CATSPERB: variants seen among roughly 807,000 people sequenced by gnomAD.
The protein encoded by CATSPERB is catsper channel auxiliary subunit beta.
In CATSPERB, 93 loss-of-function variants were observed where a neutral mutation model predicts 128.3. The ratio of observed to expected loss-of-function variants is 0.72; its 90% CI spans 0.61 to 0.86. CATSPERB has a LOEUF of 0.86. Ranked by LOEUF, CATSPERB falls within the 40% of genes least tolerant of loss-of-function variation. The pLI is 0.00. For synonymous variants in CATSPERB, 381 were observed against 448.8 expected (o/e 0.85, Z 1.91); for missense variants, 1,153 against 1,329.5 (o/e 0.87, Z 2.06).
At chr14:91,677,235 A>G (rs1203078997) in intron 11 of CATSPERB, among the ~76,000 whole-genome samples, 1 of 152,222 alleles carries the variant, frequency 6.6e-6, no homozygotes, top group African/African-American at 2.4e-5. Flanking sequence ...GATCTAATTA[A>G]ACTAAAGAGC....
intron 11 of CATSPERB, among the ~76,000 whole-genome samples, chr14:91,680,028 ACAAT>A (rs1895253331): frequency 6.6e-6 from 1 of 152,232 alleles, no homozygotes; most frequent in African/African-American, 2.4e-5. Context: ...GACAAAGGCA[ACAAT>A]CAAAGTATAC....
At chr14:91,704,483 G>T in intron 7 of CATSPERB, 69 bp downstream of exon 7, 2 of 1,469,618 alleles carry the variant, frequency 1.4e-6, no homozygotes, top group Non-Finnish European at 9.1e-7. Flanking sequence ...TATTTCTGCT[G>T]CCAGTTAAAC....
chr14:91,586,695 T>C (rs775963270), intron 26 of CATSPERB, among the ~76,000 whole-genome samples: 2 of 152,254 alleles, frequency 1.3e-5, no homozygotes, highest in Non-Finnish European at 2.9e-5. Flanking sequence ...CATGTCATTA[T>C]ATGAATAAGC....
intron 26 of CATSPERB, 103 bp downstream of exon 26, chr14:91,587,099 A>T: frequency 1.2e-6 from 1 of 841,262 alleles, no homozygotes; most frequent in Middle Eastern, 2.3e-4. Flanking sequence ...CTTGTCCATC[A>T]CACAAATTCT....
intron 21 of CATSPERB, among the ~76,000 whole-genome samples, chr14:91,608,939 A>ATTG (rs1893767879): frequency 6.6e-6 from 1 of 152,354 alleles, no homozygotes; most frequent in East Asian, 1.9e-4. Flanking sequence ...AAACTTAACC[A>ATTG]TTAATAGCCT....
chr14:91,583,150 G>T (rs1468577048), intron 26 of CATSPERB, among the ~76,000 whole-genome samples: 7 of 152,236 alleles, frequency 4.6e-5, no homozygotes, highest in African/African-American at 7.2e-5. Flanking sequence ...TGGGCACGGT[G>T]GCTCATGCCT....
intron 11 of CATSPERB, among the ~76,000 whole-genome samples, chr14:91,677,753 C>T (rs765644048): frequency 1.8e-4 from 27 of 152,122 alleles, no homozygotes; most frequent in African/African-American, 5.8e-4. Context: ...AAGGCACATG[C>T]GCATTTGGGC....
chr14:91,633,250 C>T (rs1005185287), intron 17 of CATSPERB, among the ~76,000 whole-genome samples: 4 of 152,018 alleles, frequency 2.6e-5, no homozygotes, highest in African/African-American at 9.7e-5. Flanking sequence ...CAGGCCCAGC[C>T]AAAACACCCT....
chr14:91,591,725 A>G (rs533776464), intron 23 of CATSPERB, among the ~76,000 whole-genome samples, 167 bp downstream of exon 23: 2 of 152,216 alleles, frequency 1.3e-5, no homozygotes, highest in South Asian at 4.1e-4. Flanking sequence ...ATTAACTTGC[A>G]AGGTACATTT....
intron 18 of CATSPERB, among the ~76,000 whole-genome samples, chr14:91,622,285 T>C (rs1200743393): frequency 6.6e-6 from 1 of 152,064 alleles, no homozygotes; most frequent in Non-Finnish European, 1.5e-5. Flanking sequence ...AAGAGAAGGA[T>C]AATGTAGCCA....
chr14:91,682,307 C>T (rs1252171079), intron 11 of CATSPERB, among the ~76,000 whole-genome samples: 1 of 152,142 alleles, frequency 6.6e-6, no homozygotes, highest in East Asian at 1.9e-4. Flanking sequence ...ATGTCATCTC[C>T]ACCTTGGGAT....
At chr14:91,704,126 TAGAG>T (rs2139854336) in intron 7 of CATSPERB, among the ~76,000 whole-genome samples, 1 of 152,284 alleles carries the variant, frequency 6.6e-6, no homozygotes, top group South Asian at 2.1e-4. Flanking sequence ...GAAATGGATA[TAGAG>T]AGAAACAGTT....
chr14:91,624,679 T>A, intron 18 of CATSPERB, 141 bp downstream of exon 18: 3 of 535,924 alleles, frequency 5.6e-6, no homozygotes, highest in South Asian at 4.1e-5. Context: ...GGAACCCAAA[T>A]ATATGTAAAC....
At chr14:91,708,507 T>G (rs1895775177) in intron 5 of CATSPERB, among the ~76,000 whole-genome samples, 1 of 152,218 alleles carries the variant, frequency 6.6e-6, no homozygotes, top group Non-Finnish European at 1.5e-5. Context: ...TGTAGGGGCT[T>G]GATAAAAAGC....
chr14:91,634,162 T>A (rs1164350779), intron 17 of CATSPERB, among the ~76,000 whole-genome samples: 3 of 152,202 alleles, frequency 2.0e-5, no homozygotes, highest in African/African-American at 7.2e-5. Context: ...GTTATATGTC[T>A]TACATGCTGT....
intron 16 of CATSPERB, among the ~76,000 whole-genome samples, chr14:91,637,220 A>C (rs1173847517): frequency 6.6e-6 from 1 of 152,104 alleles, no homozygotes; most frequent in Non-Finnish European, 1.5e-5. Flanking sequence ...GCTGGAGTTG[A>C]CTTTGTTGCT....
chr14:91,721,805 G>A (rs540211783), intron 4 of CATSPERB, among the ~76,000 whole-genome samples: 3 of 149,478 alleles, frequency 2.0e-5, no homozygotes, highest in East Asian at 2.0e-4. Flanking sequence ...AGCCGAGATC[G>A]CACCACTGCA....
intron 20 of CATSPERB, among the ~76,000 whole-genome samples, chr14:91,612,726 T>C (rs544707234): frequency 6.6e-6 from 1 of 152,310 alleles, no homozygotes; most frequent in African/African-American, 2.4e-5. Flanking sequence ...TCTGTAGCCA[T>C]TAAGAATAAC....
intron 2 of CATSPERB, among the ~76,000 whole-genome samples, chr14:91,725,943 T>G (rs1022475962): frequency 6.6e-6 from 1 of 151,928 alleles, no homozygotes; most frequent in Non-Finnish European, 1.5e-5. Context: ...AGCAAGGATA[T>G]GAACAGAAGA....
Sources: allele counts gnomAD v4.1 joint callset (sites outside exome capture counted in the v4.1 genomes callset), GRCh38; gene constraint gnomAD v4.1.1; transcripts MANE v1.5; gene names NCBI Gene and HGNC (gene_info 2026-07-23, HGNC 2026-07-21).